NAALADL2: variants seen among roughly 807,000 people sequenced by gnomAD.
The protein encoded by NAALADL2 is inactive N-acetylated-alpha-linked acidic dipeptidase-like protein 2.
Under a neutral mutation model 87.2 loss-of-function variants are expected in NAALADL2, and 76 were observed. The observed-to-expected ratio is 0.87, with a 90% CI of 0.72 to 1.05. The LOEUF (loss-of-function observed/expected upper bound fraction) is 1.05. NAALADL2 is among the 50% of genes least tolerant of loss of function. The probability of loss-of-function intolerance (pLI) is 0.00; values close to 1 mark genes in which losing one functional copy is unlikely to be tolerated. For missense variants in NAALADL2, 1,089 were observed against 945.8 expected (o/e 1.15, Z -1.99); for synonymous variants, 354 against 331.0 (o/e 1.07, Z -0.75).
chr3:175,471,502 A>T, intron 8 of NAALADL2, 137 bp from the exon 9 acceptor site: 1 of 72,276 alleles, frequency 1.4e-5, no homozygotes, highest in Non-Finnish European at 3.0e-5. Flanking sequence ...AGAAAGAAAG[A>T]AAAAAAAAAA....
intron 1 of NAALADL2, among the ~76,000 whole-genome samples, chr3:174,449,837 C>T (rs999815324): frequency 6.6e-6 from 1 of 152,072 alleles, no homozygotes; most frequent in Non-Finnish European, 1.5e-5. Context: ...CTGAATTAAG[C>T]AAAGAATTCC....
chr3:174,733,349 A>T (rs1003028727), intron 2 of NAALADL2, among the ~76,000 whole-genome samples: 1 of 152,234 alleles, frequency 6.6e-6, no homozygotes, highest in African/African-American at 2.4e-5. Flanking sequence ...AGAATCCTTA[A>T]TGTTGGGATA....
intron 3 of NAALADL2, among the ~76,000 whole-genome samples, chr3:174,837,684 C>T (rs1723501245): frequency 2.0e-5 from 3 of 152,004 alleles, no homozygotes; most frequent in African/African-American, 7.2e-5. Context: ...ATCCCAGCTA[C>T]TCGGGAGGCT....
chr3:175,591,052 C>T (rs1721377965), intron 10 of NAALADL2, among the ~76,000 whole-genome samples: 1 of 152,070 alleles, frequency 6.6e-6, no homozygotes, highest in Non-Finnish European at 1.5e-5. Flanking sequence ...AAAATAGACT[C>T]ATACGGCATT....
chr3:174,774,410 G>A (rs1714957144), intron 3 of NAALADL2, among the ~76,000 whole-genome samples: 1 of 152,084 alleles, frequency 6.6e-6, no homozygotes, highest in Non-Finnish European at 1.5e-5. Flanking sequence ...CTTTCCTGAG[G>A]GGACCCCTTA....
At chr3:174,842,986 T>C (rs1299446010) in intron 3 of NAALADL2, among the ~76,000 whole-genome samples, 1 of 152,172 alleles carries the variant, frequency 6.6e-6, no homozygotes, top group Non-Finnish European at 1.5e-5. Flanking sequence ...AAAATTTTAA[T>C]TGGTAAATTG....
At chr3:174,805,822 A>T (rs1283278114) in intron 3 of NAALADL2, among the ~76,000 whole-genome samples, 2 of 152,178 alleles carry the variant, frequency 1.3e-5, no homozygotes, top group Non-Finnish European at 2.9e-5. Flanking sequence ...TAGAAGAAAA[A>T]TTCTGCTTCA....
chr3:175,422,815 C>T (rs961419098), intron 5 of NAALADL2, among the ~76,000 whole-genome samples: 5 of 151,716 alleles, frequency 3.3e-5, no homozygotes, highest in Non-Finnish European at 7.4e-5. Flanking sequence ...CCTGGTAATT[C>T]GGTTGGCCAC....
At chr3:174,895,846 A>G (rs1030815215) in intron 1 of NAALADL2, among the ~76,000 whole-genome samples, 2 of 152,212 alleles carry the variant, frequency 1.3e-5, no homozygotes, top group Non-Finnish European at 2.9e-5. Context: ...ATCATTCATC[A>G]TGATCAAGTG....
At chr3:174,447,855 A>G (rs1257183656) in intron 1 of NAALADL2, among the ~76,000 whole-genome samples, 2 of 152,072 alleles carry the variant, frequency 1.3e-5, no homozygotes, top group Non-Finnish European at 2.9e-5. Context: ...ATAAAATTCA[A>G]AGTAGCTTCT....
At chr3:175,527,821 C>G (rs1359567987) in intron 9 of NAALADL2, among the ~76,000 whole-genome samples, 1 of 152,182 alleles carries the variant, frequency 6.6e-6, no homozygotes, top group Non-Finnish European at 1.5e-5. Flanking sequence ...TGTTATATCA[C>G]ATACACATTG....
At chr3:175,668,221 T>C (rs1451665204) in intron 11 of NAALADL2, among the ~76,000 whole-genome samples, 2 of 152,208 alleles carry the variant, frequency 1.3e-5, no homozygotes, top group African/African-American at 2.4e-5. Flanking sequence ...AATGAACTTT[T>C]GTAGCTGCTA....
chr3:175,711,090 C>T (rs1265622145), intron 11 of NAALADL2, among the ~76,000 whole-genome samples: 1 of 151,716 alleles, frequency 6.6e-6, no homozygotes, highest in African/African-American at 2.4e-5. Context: ...TACCTTTGCT[C>T]GGTGCTAAAA....
At chr3:175,521,192 T>A (rs1732607252) in intron 9 of NAALADL2, among the ~76,000 whole-genome samples, 1 of 151,844 alleles carries the variant, frequency 6.6e-6, no homozygotes, top group Non-Finnish European at 1.5e-5. Flanking sequence ...GGAGTATACA[T>A]TTTTCCCTTT....
intron 11 of NAALADL2, among the ~76,000 whole-genome samples, chr3:175,688,059 C>A (rs1455298393): frequency 6.6e-6 from 1 of 151,976 alleles, no homozygotes; most frequent in Non-Finnish European, 1.5e-5. Context: ...TGAAGAGTAA[C>A]CAATAGTCTC....
At chr3:175,218,571 C>G (rs1742888007) in intron 2 of NAALADL2, among the ~76,000 whole-genome samples, 1 of 151,950 alleles carries the variant, frequency 6.6e-6, no homozygotes, top group Non-Finnish European at 1.5e-5. Flanking sequence ...CACTTGTGCA[C>G]CCTCTCAAGT....
chr3:174,980,307 G>A (rs1427180542), intron 1 of NAALADL2, among the ~76,000 whole-genome samples: 1 of 152,116 alleles, frequency 6.6e-6, no homozygotes, highest in African/African-American at 2.4e-5. Context: ...GGCATTTGAT[G>A]AGTATTTGTT....
At chr3:175,134,938 A>C (rs1268259747) in intron 2 of NAALADL2, among the ~76,000 whole-genome samples, 2 of 152,210 alleles carry the variant, frequency 1.3e-5, no homozygotes, top group Non-Finnish European at 2.9e-5. Flanking sequence ...TCAAATTATA[A>C]GATATCAAAT....
chr3:174,788,497 G>C (rs1278150864), intron 3 of NAALADL2, among the ~76,000 whole-genome samples: 2 of 152,160 alleles, frequency 1.3e-5, no homozygotes, highest in African/African-American at 4.8e-5. Context: ...TTGGCTTGCA[G>C]ATGGCTGCCT....
Sources: allele counts gnomAD v4.1 joint callset (sites outside exome capture counted in the v4.1 genomes callset), GRCh38; gene constraint gnomAD v4.1.1; transcripts MANE v1.5; gene names NCBI Gene and HGNC (gene_info 2026-07-23, HGNC 2026-07-21).